Variants in ZNF330 observed in about 807,000 individuals in gnomAD.
ZNF330 encodes the protein zinc finger protein 330.
In ZNF330, 31 loss-of-function variants were observed where a neutral mutation model predicts 45.5. That is an observed-to-expected ratio of 0.68 (90% CI 0.51 to 0.92). The LOEUF (loss-of-function observed/expected upper bound fraction) is 0.92. Ranked by LOEUF, ZNF330 falls within the 40% of genes least tolerant of loss-of-function variation. ZNF330 has a pLI of 0.00. For missense variants in ZNF330, 356 were observed against 387.4 expected (o/e 0.92, Z 0.68); for synonymous variants, 138 against 123.2 (o/e 1.12, Z -0.79).
rs1415284650 is a variant in ZNF330, at chr4:141,233,767, T to C, written c.741T>C (p.Ala247=). 4 of 1,613,414 alleles carry C rather than the reference T, an allele frequency of 2.5e-6. No individual in the cohort carries two copies. The highest frequency in any genetic ancestry group is 3.4e-6 in the Non-Finnish European group (4 of 1,179,728). ...CTGGAGGTGAAGAGGGAGATGGAGC[T>C]TCTGGGTATGATGCTTATTGGAAGA... is the stretch of plus-strand genomic sequence containing the variant. ...RQTGGEEGDG[A]SGYDAYWKNL... is the part of the protein sequence containing the mutation. Residue 247 remains alanine (A), a synonymous_variant, in exon 10 of 10, where the codon GCT becomes GCC. Coordinates refer to ENST00000262990, the MANE Select transcript of ZNF330 (RefSeq NM_014487.6).
intron 5 of ZNF330, among the ~76,000 whole-genome samples, chr4:141,227,933 G>A (rs940570969): frequency 7.9e-5 from 12 of 151,948 alleles, no homozygotes; most frequent in Admixed American, 6.6e-4. Flanking sequence ...CCTGAAACAT[G>A]TTTTCCTTCT....
intron 9 of ZNF330, 100 bp downstream of exon 9, chr4:141,232,742 A>C: frequency 3.6e-6 from 2 of 549,968 alleles, no homozygotes; most frequent in Middle Eastern, 3.0e-4. Flanking sequence ...GCCTCTTCTT[A>C]TTTGAAAAGA....
Position 141,234,223 on chromosome 4 carries a change from T to C in ZNF330, c.*234T>C. 1 of 661,730 alleles carries C rather than the reference T, an allele frequency of 1.5e-6. No individual in the cohort carries two copies. Among genetic ancestry groups the C allele is most frequent in the Non-Finnish European group, 2.2e-6 (1 of 463,144 alleles). 41.0% of individuals were successfully genotyped at this position (661,730 alleles called of 1,614,324 possible). A position where few individuals can be genotyped will look rare whatever the true frequency, so the allele number is the denominator to read the frequency against. On this transcript the variant is annotated 3_prime_UTR_variant, in exon 10 of 10. Coordinates refer to ENST00000262990, the MANE Select transcript of ZNF330 (RefSeq NM_014487.6). ...TGTTTATTGATCGAAGCAATTGAAGTATCATGGATTGGATTGTTACTGATT... is the reference window on the plus strand; with the variant it reads ...TGTTTATTGATCGAAGCAATTGAAGCATCATGGATTGGATTGTTACTGATT...
chr4:141,221,852 T>C (rs544611988), intron 1 of ZNF330, among the ~76,000 whole-genome samples: 73 of 152,332 alleles, frequency 4.8e-4, no homozygotes, highest in African/African-American at 1.7e-3. Flanking sequence ...AGTTAATAAA[T>C]AGTGTTATTT....
chr4:141,225,729 C>T lies in ZNF330; in HGVS notation c.212-1038C>T, dbSNP rs1191843720. The stretch of plus-strand genomic sequence containing the variant: ...AGAAAACTGGCCTATATGGAACACT[C>T]ATATGGTAGTTTTCATAGCCTTGTT... On this transcript the variant is annotated intron_variant, in intron 4 of 9. Coordinates refer to ENST00000262990, the MANE Select transcript of ZNF330 (RefSeq NM_014487.6). 4.6e-5 allele frequency among the ~76,000 whole-genome samples: 7 copies of T among 152,138 alleles called. No individual in the cohort carries two copies. The East Asian group carries it at 1.2e-3, about 25-fold the overall frequency.
Position 141,230,194 on chromosome 4 carries a change from C to A in ZNF330, c.447C>A (p.Cys149Ter). ...GCAGAATATTCAGTTGTTCTTTTTG[C>A]CATAACTTTCTCTGTGAAGATGATC... The part of the protein sequence containing the change: ...HGGRIFSCSF[C>*]HNFLCEDDQF... The change falls in exon 7 of 10, where the codon TGC becomes TGA. Residue 149 changes from cysteine (C) to a stop codon, truncating the protein, a stop_gained. Coordinates refer to ENST00000262990, the MANE Select transcript of ZNF330 (RefSeq NM_014487.6). LOFTEE classifies it high-confidence loss of function. 6.2e-7 allele frequency: 1 copy of A among 1,609,992 alleles called. No individual in the cohort carries two copies. Among genetic ancestry groups the A allele is most frequent in the Non-Finnish European group, 8.5e-7 (1 of 1,177,910 alleles).
intron 5 of ZNF330, among the ~76,000 whole-genome samples, chr4:141,228,876 G>C (rs577880877): frequency 6.6e-6 from 1 of 152,070 alleles, no homozygotes; most frequent in South Asian, 2.1e-4. Context: ...AAGATTGTCT[G>C]ATCCTACTCT....
intron 2 of ZNF330, chr4:141,222,938 G>A (rs1226483791): frequency 6.5e-6 from 1 of 152,802 alleles, no homozygotes; most frequent in African/African-American, 2.4e-5. Flanking sequence ...AATGGTGGCT[G>A]CTTTTGAAAT....
intron 7 of ZNF330, among the ~76,000 whole-genome samples, chr4:141,230,771 G>T (rs1424971482): frequency 6.6e-6 from 1 of 152,100 alleles, no homozygotes; most frequent in Admixed American, 6.6e-5. Context: ...TAAGTCCGTG[G>T]TGGGTGCCAG....
At chr4:141,227,361 T>C (rs547236753) in intron 5 of ZNF330, among the ~76,000 whole-genome samples, 1 of 152,200 alleles carries the variant, frequency 6.6e-6, no homozygotes, top group South Asian at 2.1e-4. Context: ...ATTGTTCAGT[T>C]CCCACCTATG....
chr4:141,233,307 A>G (rs1457898538), intron 9 of ZNF330, among the ~76,000 whole-genome samples: 1 of 152,156 alleles, frequency 6.6e-6, no homozygotes, highest in African/African-American at 2.4e-5. Context: ...TTGTGTCACT[A>G]TTAAGGCAGA....
At position 141,226,294 on chromosome 4, in the gene ZNF330, A is replaced by T. The variant is rs191427230; in HGVS notation, c.212-473A>T. 5.0e-4 allele frequency among the ~76,000 whole-genome samples: 76 copies of T among 152,282 alleles called. No individual in the cohort carries two copies. In the East Asian group the frequency reaches 0.014, roughly 29 times the overall value. ...TGGATAAAATTACATTAACTCGATA[A>T]GTTACATAATCATTATTTGGTTTGG... On this transcript the variant is annotated intron_variant, in intron 4 of 9. Transcript: ENST00000262990.
At position 141,231,501 on chromosome 4, in the gene ZNF330, T is replaced by C. The variant is rs754346746; in HGVS notation, c.570+16T>C. The C allele has an allele frequency of 6.3e-7, 1 of 1,575,082 alleles. No individual in the cohort carries two copies. The highest frequency in any genetic ancestry group is 8.6e-7 in the Non-Finnish European group (1 of 1,163,262). On this transcript the variant is annotated intron_variant, in intron 8 of 9. Transcript: ENST00000262990. ...CCGTTGTAAGGTATACCAATGCGTT[T>C]TTTTCTTTTTAGATTTTGTTTTTAA...
At chr4:141,231,106 C>A (rs1339428465) in intron 7 of ZNF330, among the ~76,000 whole-genome samples, 1 of 151,996 alleles carries the variant, frequency 6.6e-6, no homozygotes, top group East Asian at 1.9e-4. Flanking sequence ...ATACATACAA[C>A]ATACATACTA....
Position 141,231,464 on chromosome 4 carries a change from G to A in ZNF330, c.549G>A (p.Gln183=). Reference sequence around the variant, plus strand: ...GTGTTTCATGCAATCGGCTTGGTCAGCACTCATGTCTCCGTTGTAAGGTAT... The same window carrying A: ...GTGTTTCATGCAATCGGCTTGGTCAACACTCATGTCTCCGTTGTAAGGTAT... ...FKCVSCNRLG[Q]HSCLRCKACF... is the part of the protein sequence containing the mutation. The change falls in exon 8 of 10, where the codon CAG becomes CAA. Residue 183 remains glutamine, a synonymous_variant. Transcript: ENST00000262990. 1 of 1,603,730 alleles carries A rather than the reference G, an allele frequency of 6.2e-7. No homozygotes were observed. The highest frequency in any genetic ancestry group is 8.5e-7 in the Non-Finnish European group (1 of 1,175,794).
intron 4 of ZNF330, 46 bp from the exon 5 acceptor site, chr4:141,226,721 T>C: frequency 6.9e-7 from 1 of 1,451,162 alleles, no homozygotes; most frequent in Non-Finnish European, 9.7e-7. Context: ...AGTACTGGTA[T>C]GTATTCCTTT....
intron 2 of ZNF330, chr4:141,223,686 T>G: frequency 2.2e-6 from 1 of 454,392 alleles, no homozygotes; most frequent in South Asian, 1.6e-5. Flanking sequence ...GAAGAGAGGT[T>G]CTGAATGACT....
intron 9 of ZNF330, 59 bp downstream of exon 9, chr4:141,232,701 T>TC: frequency 3.2e-6 from 3 of 928,476 alleles, no homozygotes; most frequent in Non-Finnish European, 4.6e-6. Flanking sequence ...ACAAAGTTTA[T>TC]CTTTTTTTTT....
In ZNF330 at chr4:141,234,137, C is replaced by T. The variant is rs1467264739; in HGVS notation, c.*148C>T. On this transcript the variant is annotated 3_prime_UTR_variant, in exon 10 of 10. Coordinates refer to ENST00000262990, the MANE Select transcript of ZNF330 (RefSeq NM_014487.6). ...TAATGGGCCAAGCAATAGGGTGTAG[C>T]GTTTTTATAGAACTGATAATCAGGC... is the stretch of plus-strand genomic sequence containing the variant. The T allele has an allele frequency of 6.6e-6, 9 of 1,366,302 alleles. No individual in the cohort carries two copies. The highest frequency in any genetic ancestry group is 2.7e-4 in the Middle Eastern group (1 of 3,730). The allele number at this position is 1,366,302 out of a possible 1,614,324, so 84.6% of individuals were successfully genotyped here. A position where few individuals can be genotyped will look rare whatever the true frequency, so the allele number is the denominator to read the frequency against.
Sources: gnomAD v4.1 joint callset for allele counts (sites outside exome capture counted in the v4.1 genomes callset) on GRCh38, gnomAD v4.1.1 for gene constraint, MANE v1.5 for transcripts, NCBI Gene and HGNC (gene_info 2026-07-23, HGNC 2026-07-21) for gene names.